The following SGCZ variants were observed in gnomAD, a reference collection of about 807,000 sequenced individuals.
SGCZ encodes the protein sarcoglycan zeta.
A neutral mutation model predicts 41.3 loss-of-function variants in SGCZ; 40 were observed. That is an observed-to-expected ratio of 0.97 (90% confidence interval 0.75 to 1.26). The LOEUF is 1.26. SGCZ is among the 50% of genes most tolerant of loss of function. SGCZ has a pLI of 0.00. For missense variants in SGCZ, 552 were observed against 369.8 expected (o/e 1.49, Z -4.04); for synonymous variants, 206 against 137.5 (o/e 1.50, Z -3.49).
intron 2 of SGCZ, among the ~76,000 whole-genome samples, chr8:14,344,889 T>C (rs1349266155): frequency 6.6e-6 from 1 of 152,062 alleles, no homozygotes; most frequent in Non-Finnish European, 1.5e-5. Context: ...TAATGAGAAT[T>C]TCTACATTGC....
At chr8:14,379,807 C>A (rs1180012532) in intron 2 of SGCZ, among the ~76,000 whole-genome samples, 1 of 152,100 alleles carries the variant, frequency 6.6e-6, no homozygotes, top group Non-Finnish European at 1.5e-5. Flanking sequence ...TCTCAGCACA[C>A]TGCAGCCTCC....
chr8:14,663,295 G>T (rs1028840573), intron 1 of SGCZ, among the ~76,000 whole-genome samples: 2 of 152,096 alleles, frequency 1.3e-5, no homozygotes, highest in Admixed American at 1.3e-4. Flanking sequence ...CATAATAAAT[G>T]CTCTTTTTAC....
At chr8:14,669,385 G>GTAAGTAAGTAAATAAATAAATAAATAAA (rs1465447907) in intron 1 of SGCZ, among the ~76,000 whole-genome samples, 4 of 55,128 alleles carry the variant, frequency 7.3e-5, no homozygotes, top group African/African-American at 6.4e-4. Context: ...AAGTAAGTAA[G>GTAAGTAAGTAAATAAATAAATAAATAAA]TAAATAAATA....
At chr8:15,154,550 A>G (rs1799273367) in intron 1 of SGCZ, among the ~76,000 whole-genome samples, 1 of 152,252 alleles carries the variant, frequency 6.6e-6, no homozygotes, top group African/African-American at 2.4e-5. Flanking sequence ...ATAATAGTCT[A>G]TCATGGAGTA....
At chr8:14,826,168 G>C (rs1280986755) in intron 1 of SGCZ, among the ~76,000 whole-genome samples, 2 of 144,192 alleles carry the variant, frequency 1.4e-5, no homozygotes, top group East Asian at 4.2e-4. Flanking sequence ...CCACCTATGA[G>C]TGAGAACATG....
intron 1 of SGCZ, among the ~76,000 whole-genome samples, chr8:14,576,166 C>T (rs1804705726): frequency 6.6e-6 from 1 of 152,044 alleles, no homozygotes; most frequent in African/African-American, 2.4e-5. Context: ...TAGGTACCTG[C>T]CTTATAAAAT....
intron 4 of SGCZ, among the ~76,000 whole-genome samples, chr8:14,229,379 A>G (rs1232035700): frequency 6.6e-6 from 1 of 152,070 alleles, no homozygotes; most frequent in Non-Finnish European, 1.5e-5. Context: ...TGAGAGCTCT[A>G]ATTTCTAAAG....
At chr8:14,214,030 C>T (rs1160072945) in intron 4 of SGCZ, among the ~76,000 whole-genome samples, 1 of 151,874 alleles carries the variant, frequency 6.6e-6, no homozygotes, top group African/African-American at 2.4e-5. Flanking sequence ...TTAAAGAGAG[C>T]CAAAAAGAGT....
intron 2 of SGCZ, among the ~76,000 whole-genome samples, chr8:14,479,009 C>G (rs556247839): frequency 1.0e-3 from 156 of 152,292 alleles, no homozygotes; most frequent in Non-Finnish European, 2.0e-3. Flanking sequence ...GGTCCTGTCT[C>G]CTGTTGTATT....
intron 1 of SGCZ, among the ~76,000 whole-genome samples, chr8:14,571,168 G>A (rs1374804011): frequency 2.6e-5 from 4 of 152,086 alleles, no homozygotes; most frequent in Admixed American, 2.6e-4. Flanking sequence ...CTGCAAGGTG[G>A]CGGGAAAGGG....
chr8:14,282,389 C>T (rs59285818), intron 3 of SGCZ, among the ~76,000 whole-genome samples: 1 of 152,006 alleles, frequency 6.6e-6, no homozygotes, highest in Admixed American at 6.5e-5. Context: ...TTTATTCTAT[C>T]ATCTTCCTAA....
intron 1 of SGCZ, among the ~76,000 whole-genome samples, chr8:15,031,935 C>CTCTG (rs1435934732): frequency 1.4e-5 from 2 of 148,030 alleles, no homozygotes; most frequent in Non-Finnish European, 2.9e-5. Flanking sequence ...CTCTCTCTCT[C>CTCTG]TCTGTCTGTC....
intron 1 of SGCZ, among the ~76,000 whole-genome samples, chr8:15,173,652 A>G (rs558445236): frequency 1.1e-3 from 169 of 152,328 alleles, no homozygotes; most frequent in Non-Finnish European, 1.4e-3. Context: ...GATTCTTGGT[A>G]AGACACAGAA....
At chr8:14,540,997 T>C (rs1358520956) in intron 2 of SGCZ, among the ~76,000 whole-genome samples, 4 of 151,088 alleles carry the variant, frequency 2.6e-5, no homozygotes, top group African/African-American at 9.7e-5. Context: ...TGTATATATA[T>C]GTATATATAG....
chr8:14,144,893 G>GTCTT (rs1803476636), intron 5 of SGCZ, among the ~76,000 whole-genome samples: 1 of 152,136 alleles, frequency 6.6e-6, no homozygotes, highest in African/African-American at 2.4e-5. Context: ...AGGCTCGTTT[G>GTCTT]TCTTTGGAAA....
At chr8:14,184,606 A>G (rs1027039847) in intron 4 of SGCZ, among the ~76,000 whole-genome samples, 2 of 152,216 alleles carry the variant, frequency 1.3e-5, no homozygotes, top group Non-Finnish European at 2.9e-5. Flanking sequence ...TATGTTATCA[A>G]TGCTACTTCC....
rs144451092 is a variant in SGCZ, at chr8:14,098,192, T to G, written c.744+4184A>C. On this transcript the variant is annotated intron_variant, in intron 7 of 7. Coordinates refer to ENST00000382080, the MANE Select transcript of SGCZ (RefSeq NM_139167.4). ...CAACAGTATTCAAAGTTAAAAAGCA[T>G]GATTACAGCTTGTGTTTATTGATGT... Among the ~76,000 whole-genome samples the G allele has an allele frequency of 8.2e-3, 1,250 of 152,322 alleles. 9 individuals are homozygous for G. The highest frequency in any genetic ancestry group is 0.014 in the Non-Finnish European group (940 of 68,018).
intron 1 of SGCZ, among the ~76,000 whole-genome samples, chr8:14,786,462 T>C (rs764462360): frequency 6.6e-6 from 1 of 152,148 alleles, no homozygotes; most frequent in Non-Finnish European, 1.5e-5. Context: ...TATTTTATCA[T>C]GGTTCAGTTT....
At chr8:14,931,936 G>C (rs1285836485) in intron 1 of SGCZ, among the ~76,000 whole-genome samples, 3 of 151,834 alleles carry the variant, frequency 2.0e-5, no homozygotes, top group Non-Finnish European at 4.4e-5. Flanking sequence ...TGTTTTCTTA[G>C]TGTGTCTCTT....
Sources: allele counts gnomAD v4.1 joint callset (sites outside exome capture counted in the v4.1 genomes callset), GRCh38; gene constraint gnomAD v4.1.1; transcripts MANE v1.5; gene names NCBI Gene and HGNC (gene_info 2026-07-23, HGNC 2026-07-21).